The following PRDM5 variants were observed in gnomAD, a reference collection of about 807,000 sequenced individuals.
PRDM5 encodes the protein PR domain zinc finger protein 5.
A neutral mutation model predicts 81.2 loss-of-function variants in PRDM5; 56 were observed. That is an observed-to-expected ratio of 0.69 (90% CI 0.56 to 0.86). The LOEUF (loss-of-function observed/expected upper bound fraction) is 0.86, where lower values mean the gene tolerates loss of function less well. PRDM5 is among the 40% of genes least tolerant of loss of function. The pLI is 0.00. For synonymous variants in PRDM5, 267 were observed against 256.4 expected (o/e 1.04, Z -0.39); for missense variants, 697 against 770.1 (o/e 0.91, Z 1.12).
rs1301783349 is a variant in PRDM5, at chr4:120,799,653, T to C, written c.1030+8A>G. The stretch of plus-strand genomic sequence containing the variant: ...TATCACTATAAACAAAAAAAGTATA[T>C]AGTTTACCTGAGTGGGTGATCATAT... On this transcript the variant is annotated splice_region_variant and intron_variant, in intron 9 of 15. Transcript: ENST00000264808. 4 of 1,611,514 alleles carry C rather than the reference T, an allele frequency of 2.5e-6. No individual in the cohort carries two copies. In the African/African-American group the frequency reaches 4.0e-5, roughly 16 times the overall value.
intron 2 of PRDM5, chr4:120,897,065 G>A (rs1212604769): frequency 6.6e-6 from 1 of 151,148 alleles, no homozygotes; most frequent in Non-Finnish European, 1.5e-5. Flanking sequence ...TCTGGAGGTG[G>A]TCTTAGTACC....
At chr4:120,726,338 A>G (rs1304588438) in intron 14 of PRDM5, among the ~76,000 whole-genome samples, 2 of 152,240 alleles carry the variant, frequency 1.3e-5, no homozygotes, top group African/African-American at 2.4e-5. Context: ...AAAGACATAG[A>G]GAGCCTCATG....
intron 15 of PRDM5, among the ~76,000 whole-genome samples, chr4:120,699,182 A>G (rs1201361963): frequency 8.9e-6 from 1 of 112,692 alleles, no homozygotes; most frequent in Admixed American, 1.0e-4. Flanking sequence ...ATATATATAT[A>G]TATATATATA....
intron 3 of PRDM5, among the ~76,000 whole-genome samples, chr4:120,840,354 C>T (rs185865369): frequency 3.0e-4 from 46 of 152,276 alleles, no homozygotes; most frequent in Admixed American, 4.6e-4. Flanking sequence ...GAGTGGATCA[C>T]GGGCCCCAGG....
chr4:120,887,947 T>G (rs372883228), intron 2 of PRDM5, among the ~76,000 whole-genome samples: 1 of 106,364 alleles, frequency 9.4e-6, no homozygotes, highest in Non-Finnish European at 1.8e-5. Context: ...CGCCCGCCAC[T>G]ACGCCCGGCT....
intron 13 of PRDM5, among the ~76,000 whole-genome samples, chr4:120,764,258 C>A (rs1007502989): frequency 6.6e-6 from 1 of 152,028 alleles, no homozygotes; most frequent in African/African-American, 2.4e-5. Context: ...ATATGAACTA[C>A]GTAAATGACA....
intron 14 of PRDM5, among the ~76,000 whole-genome samples, chr4:120,745,606 G>A (rs1280993862): frequency 2.1e-5 from 3 of 142,118 alleles, no homozygotes; most frequent in Admixed American, 7.0e-5. Context: ...AAATCAATGT[G>A]CAAAAATCAC....
At chr4:120,722,196 C>T (rs1486067334) in intron 14 of PRDM5, among the ~76,000 whole-genome samples, 3 of 152,144 alleles carry the variant, frequency 2.0e-5, no homozygotes, top group Non-Finnish European at 4.4e-5. Flanking sequence ...TACGATCCCC[C>T]GAGTGTTCTT....
At chr4:120,698,197 C>T (rs1734803303) in intron 15 of PRDM5, among the ~76,000 whole-genome samples, 1 of 152,132 alleles carries the variant, frequency 6.6e-6, no homozygotes, top group Non-Finnish European at 1.5e-5. Context: ...CAGACTTCTG[C>T]CTTGGACTTC....
rs867088102 is a variant in PRDM5 at position 120,888,601 on chromosome 4, G to A, written c.177+18873C>T. 3.9e-5 allele frequency among the ~76,000 whole-genome samples: 6 copies of A among 152,042 alleles called. No individual in the cohort carries two copies. The South Asian group carries it at 8.3e-4, about 21-fold the overall frequency. On this transcript the variant is annotated intron_variant, in intron 2 of 15. Transcript: ENST00000264808. ...GTTCTTGTACAAATCTTTTAGTAAC[G>A]TGTTCTAGTTAATATCTGTCTAGTG...
intron 14 of PRDM5, among the ~76,000 whole-genome samples, chr4:120,712,584 T>C (rs1397776): frequency 0.5 from 76,700 of 151,952 alleles, 20,336 homozygotes; most frequent in East Asian, 0.76. Context: ...TTCCCTTGCC[T>C]TTCTCTACAT....
chr4:120,829,150 A>G (rs370260768), intron 3 of PRDM5, among the ~76,000 whole-genome samples: 1 of 152,230 alleles, frequency 6.6e-6, no homozygotes, highest in East Asian at 1.9e-4. Context: ...GCTGGAATAT[A>G]CAACCTTGTA....
chr4:120,840,644 A>T (rs1337317083), intron 3 of PRDM5, among the ~76,000 whole-genome samples: 3 of 152,034 alleles, frequency 2.0e-5, no homozygotes, highest in Non-Finnish European at 4.4e-5. Flanking sequence ...GCCCAGCTTC[A>T]TCTCAGGGCC....
intron 10 of PRDM5, among the ~76,000 whole-genome samples, chr4:120,785,699 A>T (rs1186512982): frequency 6.6e-6 from 1 of 152,166 alleles, no homozygotes; most frequent in Non-Finnish European, 1.5e-5. Context: ...ACTTAATTAC[A>T]ACAGTAACTG....
chr4:120,831,092 T>C (rs1756655405), intron 3 of PRDM5, among the ~76,000 whole-genome samples: 1 of 152,098 alleles, frequency 6.6e-6, no homozygotes, highest in African/African-American at 2.4e-5. Flanking sequence ...TACTTCACTT[T>C]TTTATTTAAA....
At chr4:120,868,601 C>G (rs1424448543) in intron 2 of PRDM5, among the ~76,000 whole-genome samples, 1 of 152,082 alleles carries the variant, frequency 6.6e-6, no homozygotes, top group African/African-American at 2.4e-5. Context: ...ATGACAGGTC[C>G]TCTTGCAATG....
At chr4:120,861,295 A>C (rs1039802160) in intron 2 of PRDM5, among the ~76,000 whole-genome samples, 1 of 152,218 alleles carries the variant, frequency 6.6e-6, no homozygotes, top group African/African-American at 2.4e-5. Flanking sequence ...GGCATGAGCT[A>C]TCATGACCAG....
chr4:120,884,596 G>A (rs573756301), intron 2 of PRDM5, among the ~76,000 whole-genome samples: 10 of 152,224 alleles, frequency 6.6e-5, no homozygotes, highest in African/African-American at 2.4e-4. Context: ...ATCTTTCTAA[G>A]TAAATCCAGC....
chr4:120,813,255 A>G (rs1754081887), intron 7 of PRDM5, among the ~76,000 whole-genome samples: 1 of 152,210 alleles, frequency 6.6e-6, no homozygotes, highest in East Asian at 1.9e-4. Context: ...CACCACAATG[A>G]ATAACCATAA....
Sources: gnomAD v4.1 joint callset for allele counts (sites outside exome capture counted in the v4.1 genomes callset) on GRCh38, gnomAD v4.1.1 for gene constraint, MANE v1.5 for transcripts, NCBI Gene and HGNC (gene_info 2026-07-23, HGNC 2026-07-21) for gene names.